The following MYO6 variants were observed in gnomAD, a reference collection of about 807,000 sequenced individuals.
MYO6 encodes the protein myosin VI.
A neutral mutation model predicts 178.7 loss-of-function variants in MYO6; 74 were observed. That is an observed-to-expected ratio of 0.41 (90% CI 0.34 to 0.50). The LOEUF is 0.50. Ranked by LOEUF, MYO6 falls within the 20% of genes least tolerant of loss-of-function variation. The pLI, the probability that MYO6 is intolerant of heterozygous loss-of-function variation, is 0.09. For synonymous variants in MYO6, 477 were observed against 504.6 expected (o/e 0.95, Z 0.73); for missense variants, 1,330 against 1,547.4 (o/e 0.86, Z 2.36).
intron 25 of MYO6, among the ~76,000 whole-genome samples, chr6:75,887,712 G>A (rs894337883): frequency 6.0e-5 from 9 of 150,920 alleles, no homozygotes; most frequent in Admixed American, 2.7e-4. Flanking sequence ...GGTGGGTCAC[G>A]CCTGTAATCC....
chr6:75,788,429 C>T (rs1485251459), intron 1 of MYO6, among the ~76,000 whole-genome samples: 1 of 152,194 alleles, frequency 6.6e-6, no homozygotes, highest in African/African-American at 2.4e-5. Flanking sequence ...TCTTCTGCCT[C>T]AGCCCAATCT....
In MYO6 at chr6:75,834,051, C is replaced by T. The variant is rs562038464; in HGVS notation, c.497+1104C>T. ...ATATTCCTTAAGAATCTCACATTTA[C>T]GTTCTGTCTATATTTCTGTTGTTAG... On this transcript the variant is annotated intron_variant, in intron 6 of 34. Transcript: ENST00000369977. Among the ~76,000 whole-genome samples the T allele has an allele frequency of 6.6e-5, 10 of 152,208 alleles. No homozygotes were observed. The East Asian group carries it at 1.9e-3, about 29-fold the overall frequency.
intron 23 of MYO6, 115 bp downstream of exon 23, chr6:75,881,933 A>C: frequency 1.6e-6 from 2 of 1,222,416 alleles, no homozygotes; most frequent in Non-Finnish European, 1.2e-6. Flanking sequence ...ACTTGTTCAC[A>C]CTGGGTCCCA....
chr6:75,795,314 C>T (rs1394729505), intron 1 of MYO6, among the ~76,000 whole-genome samples: 1 of 152,092 alleles, frequency 6.6e-6, no homozygotes, highest in African/African-American at 2.4e-5. Flanking sequence ...CAAAAGTTTG[C>T]TTACTTTTAA....
chr6:75,903,173 G>A lies in MYO6; in HGVS notation c.3177-4432G>A, dbSNP rs1410275609. On this transcript the variant is annotated intron_variant, in intron 30 of 34. Coordinates refer to ENST00000369977, the MANE Select transcript of MYO6 (RefSeq NM_004999.4). Reference sequence around the variant, plus strand: ...ATGTGGTCAATTTTGGAATAGGTGTGGTGTGGTGCTGAAAAAAATGTATAT... The same window carrying A: ...ATGTGGTCAATTTTGGAATAGGTGTAGTGTGGTGCTGAAAAAAATGTATAT... Among the ~76,000 whole-genome samples, 5 of 152,088 alleles carry A rather than the reference G, an allele frequency of 3.3e-5. No homozygotes were observed. The South Asian group carries it at 1.0e-3, about 32-fold the overall frequency.
chr6:75,904,325 T>C (rs1288083805), intron 30 of MYO6, among the ~76,000 whole-genome samples: 3 of 151,598 alleles, frequency 2.0e-5, no homozygotes, highest in African/African-American at 7.3e-5. Context: ...CAGAGTGTTT[T>C]CCAACTTGGT....
chr6:75,822,898 G>C lies in MYO6; in HGVS notation c.187+47G>C, dbSNP rs1376360271. ...AACTCTCCGCACAGAAAAGGAGACT[G>C]TTCTTTTAAAAAAATAAATTAGTGG... On this transcript the variant is annotated intron_variant, in intron 3 of 34. Coordinates refer to ENST00000369977, the MANE Select transcript of MYO6 (RefSeq NM_004999.4). 9.0e-6 allele frequency: 13 copies of C among 1,445,626 alleles called. No individual in the cohort carries two copies. The South Asian group carries it at 1.1e-4, about 13-fold the overall frequency. The allele number at this position is 1,445,626 out of a possible 1,614,324, so 89.5% of individuals were successfully genotyped here. A position where few individuals can be genotyped will look rare whatever the true frequency, so the allele number is the denominator to read the frequency against.
At chr6:75,881,201 C>T (rs1472160573) in intron 22 of MYO6, among the ~76,000 whole-genome samples, 1 of 152,028 alleles carries the variant, frequency 6.6e-6, no homozygotes, top group East Asian at 1.9e-4. Flanking sequence ...CTGCAGTGAA[C>T]CAAGATTGCG....
At chr6:75,903,381 C>G (rs1779985378) in intron 30 of MYO6, among the ~76,000 whole-genome samples, 1 of 151,656 alleles carries the variant, frequency 6.6e-6, no homozygotes, top group East Asian at 1.9e-4. Flanking sequence ...GTAGGTCACT[C>G]AGGACTTGCT....
Position 75,892,668 on chromosome 6 carries a change from C to T in MYO6, c.3085C>T (p.Gln1029Ter). 1 of 1,612,488 alleles carries T rather than the reference C, an allele frequency of 6.2e-7. No individual in the cohort carries two copies. The highest frequency in any genetic ancestry group is 8.5e-7 in the Non-Finnish European group (1 of 1,179,984). ...SEAELISDEA[Q>*]ADLALRRNDG... ...AGCCGAGCTCATCAGTGATGAGGCCCAGGCCGACCTGGCGCTGCGGAGGTA... is the reference window on the plus strand; with the variant it reads ...AGCCGAGCTCATCAGTGATGAGGCCTAGGCCGACCTGGCGCTGCGGAGGTA... Residue 1029 changes from glutamine to a stop codon, truncating the protein, a stop_gained, in exon 28 of 35, where the codon CAG becomes TAG. Transcript: ENST00000369977. LOFTEE classifies it high-confidence loss of function.
chr6:75,809,103 A>G (rs1419416721), intron 1 of MYO6, among the ~76,000 whole-genome samples: 2 of 152,244 alleles, frequency 1.3e-5, no homozygotes, highest in Admixed American at 6.5e-5. Context: ...TCCTTCATCC[A>G]CAAGGAATTT....
intron 11 of MYO6, among the ~76,000 whole-genome samples, chr6:75,849,201 C>T (rs1280918500): frequency 6.6e-6 from 1 of 152,194 alleles, no homozygotes; most frequent in African/African-American, 2.4e-5. Context: ...CACACCCACT[C>T]ATTTATGTGT....
chr6:75,857,472 A>G (rs1441483236), intron 13 of MYO6, among the ~76,000 whole-genome samples: 3 of 152,216 alleles, frequency 2.0e-5, no homozygotes, highest in Non-Finnish European at 2.9e-5. Context: ...TACTAATGCT[A>G]AAATTAAAAC....
intron 1 of MYO6, among the ~76,000 whole-genome samples, chr6:75,782,982 G>A (rs1767141964): frequency 1.4e-5 from 2 of 145,970 alleles, no homozygotes; most frequent in East Asian, 2.0e-4. Context: ...TGGCATGATC[G>A]CAGCTCACTG....
chr6:75,769,242 C>T (rs112908513), intron 1 of MYO6, among the ~76,000 whole-genome samples: 9 of 152,304 alleles, frequency 5.9e-5, no homozygotes, highest in African/African-American at 1.4e-4. Flanking sequence ...CTTTTCACAT[C>T]GTAAAATACA....
intron 1 of MYO6, among the ~76,000 whole-genome samples, chr6:75,758,979 A>G (rs1450931444): frequency 2.0e-5 from 3 of 151,076 alleles, no homozygotes. Flanking sequence ...AAGCGATTCT[A>G]ATGTCTCAGC....
rs868502999 is a variant in MYO6 at position 75,750,926 on chromosome 6, A to C, written c.-48+1503A>C. On this transcript the variant is annotated intron_variant, in intron 1 of 34. Coordinates refer to ENST00000369977, the MANE Select transcript of MYO6 (RefSeq NM_004999.4). ...TTTAGCTGAAACTTATCTTCACACC[A>C]TAAAACGTGAATCTTGAACTTGGAC... is the stretch of plus-strand genomic sequence containing the variant. Among the ~76,000 whole-genome samples, 31 of 152,258 alleles carry C rather than the reference A, an allele frequency of 2.0e-4. No individual in the cohort carries two copies. In the Middle Eastern group the frequency reaches 0.01, roughly 50 times the overall value.
chr6:75,758,701 G>A (rs1260437176), intron 1 of MYO6, among the ~76,000 whole-genome samples: 1 of 152,092 alleles, frequency 6.6e-6, no homozygotes, highest in Non-Finnish European at 1.5e-5. Context: ...CTCGTGATCT[G>A]CCCGACTCGG....
At chr6:75,762,969 G>C (rs1228637867) in intron 1 of MYO6, among the ~76,000 whole-genome samples, 1 of 150,918 alleles carries the variant, frequency 6.6e-6, no homozygotes, top group Non-Finnish European at 1.5e-5. Flanking sequence ...TGATCCTCCT[G>C]CCTTGGCCTC....
Sources: gnomAD v4.1 joint callset for allele counts (sites outside exome capture counted in the v4.1 genomes callset) on GRCh38, gnomAD v4.1.1 for gene constraint, MANE v1.5 for transcripts, NCBI Gene and HGNC (gene_info 2026-07-23, HGNC 2026-07-21) for gene names.